The following TAOK3 variants were observed in gnomAD, a reference collection of about 807,000 sequenced individuals.
TAOK3 encodes the protein serine/threonine-protein kinase TAO3.
A neutral mutation model predicts 120.4 loss-of-function variants in TAOK3; 40 were observed. The observed-to-expected ratio is 0.33, with a 90% CI of 0.26 to 0.43. The LOEUF (loss-of-function observed/expected upper bound fraction) is 0.43. Ranked by LOEUF, TAOK3 falls within the 20% of genes least tolerant of loss-of-function variation. TAOK3 has a pLI of 1.00. For missense variants in TAOK3, 821 were observed against 1,112.1 expected (o/e 0.74, Z 3.72); for synonymous variants, 355 against 387.5 (o/e 0.92, Z 0.99).
chr12:118,153,546 G>A (rs960148771), intron 19 of TAOK3, among the ~76,000 whole-genome samples: 6 of 152,156 alleles, frequency 3.9e-5, no homozygotes, highest in Non-Finnish European at 5.9e-5. Context: ...AAGTAGAAGC[G>A]CCAACTTCTC....
chr12:118,231,523 A>G (rs1333286523), intron 9 of TAOK3, among the ~76,000 whole-genome samples: 2 of 152,214 alleles, frequency 1.3e-5, no homozygotes, highest in African/African-American at 4.8e-5. Context: ...TTAGGAAAAG[A>G]GAAGACCATA....
Position 118,265,511 on chromosome 12 carries a change from G to A in TAOK3, c.-89+1144C>T, listed in dbSNP as rs2041411608. On this transcript the variant is annotated intron_variant, in intron 2 of 20. Transcript: ENST00000392533. Reference sequence around the variant, plus strand: ...GGAAAACAAAACAAAAAAAAGAGTAGTGTCCATTTAAAATATGAAACATGT... The same window carrying A: ...GGAAAACAAAACAAAAAAAAGAGTAATGTCCATTTAAAATATGAAACATGT... Among the ~76,000 whole-genome samples the A allele has an allele frequency of 3.3e-5, 5 of 151,512 alleles. No individual in the cohort carries two copies. In the South Asian group the frequency reaches 1.0e-3, roughly 31 times the overall value.
intron 9 of TAOK3, among the ~76,000 whole-genome samples, chr12:118,219,418 G>T (rs756609465): frequency 1.3e-5 from 2 of 151,794 alleles, no homozygotes; most frequent in Non-Finnish European, 2.9e-5. Context: ...ATCCTTTCAG[G>T]TTTCATCTCA....
chr12:118,308,030 G>C (rs2043114761), intron 1 of TAOK3, among the ~76,000 whole-genome samples: 1 of 151,518 alleles, frequency 6.6e-6, no homozygotes, highest in Admixed American at 6.6e-5. Flanking sequence ...ATGTAAGAAG[G>C]TTAAGGCATT....
chr12:118,272,211 T>C (rs541121472), intron 1 of TAOK3, among the ~76,000 whole-genome samples: 1 of 147,970 alleles, frequency 6.8e-6, no homozygotes, highest in African/African-American at 2.5e-5. Context: ...GAGAATCACT[T>C]AAGCCCAGGA....
At chr12:118,182,595 G>A (rs987684258) in intron 14 of TAOK3, among the ~76,000 whole-genome samples, 1 of 74,608 alleles carries the variant, frequency 1.3e-5, no homozygotes, top group Admixed American at 1.6e-4. Context: ...GTGTGTGTGT[G>A]TGTGTATATA....
intron 1 of TAOK3, among the ~76,000 whole-genome samples, chr12:118,316,318 C>T (rs2043454863): frequency 6.6e-6 from 1 of 152,192 alleles, no homozygotes; most frequent in African/African-American, 2.4e-5. Context: ...AGCTTACATA[C>T]TGTCCTACTG....
chr12:118,370,224 TAGA>T (rs1335108790), intron 1 of TAOK3, among the ~76,000 whole-genome samples: 3 of 152,188 alleles, frequency 2.0e-5, no homozygotes, highest in African/African-American at 4.8e-5. Context: ...TCTGAAGCCA[TAGA>T]AGAACTGCTC....
intron 16 of TAOK3, among the ~76,000 whole-genome samples, chr12:118,176,926 C>T (rs147393868): frequency 0.014 from 2,097 of 152,124 alleles, 17 homozygotes; most frequent in Middle Eastern, 0.054. Context: ...GCCACCACGC[C>T]CAGCTAATTT....
chr12:118,288,937 A>G (rs1309936660), intron 1 of TAOK3, among the ~76,000 whole-genome samples: 2 of 144,074 alleles, frequency 1.4e-5, no homozygotes, highest in Non-Finnish European at 3.1e-5. Context: ...AAAAAAAAAG[A>G]AAGAAAGAAA....
chr12:118,249,753 G>A (rs139339140), intron 3 of TAOK3, among the ~76,000 whole-genome samples: 1,977 of 152,092 alleles, frequency 0.013, 21 homozygotes, highest in Non-Finnish European at 0.02. Flanking sequence ...GATTGCTTGA[G>A]TCCAAGGGTT....
intron 1 of TAOK3, among the ~76,000 whole-genome samples, chr12:118,294,590 A>G (rs1297939699): frequency 6.6e-6 from 1 of 151,752 alleles, no homozygotes; most frequent in African/African-American, 2.4e-5. Flanking sequence ...CACCATGTTG[A>G]CCAGGCTGGT....
chr12:118,172,690 C>A (rs1336421991), intron 16 of TAOK3, 30 bp from the exon 17 acceptor site: 4 of 1,594,218 alleles, frequency 2.5e-6, no homozygotes, highest in East Asian at 4.5e-5. Context: ...ACCAAGCCAG[C>A]CTTACTAAAT....
At chr12:118,208,048 A>G (rs1338860689) in intron 11 of TAOK3, among the ~76,000 whole-genome samples, 1 of 152,170 alleles carries the variant, frequency 6.6e-6, no homozygotes, top group African/African-American at 2.4e-5. Context: ...TATATATTTT[A>G]AGAAATGTTA....
chr12:118,208,377 C>T (rs2038444116), intron 11 of TAOK3, among the ~76,000 whole-genome samples: 2 of 152,020 alleles, frequency 1.3e-5, no homozygotes, highest in South Asian at 4.2e-4. Flanking sequence ...CTCTCCCCAC[C>T]TCCTTTCCAC....
At chr12:118,230,466 T>TG (rs2039716408) in intron 9 of TAOK3, among the ~76,000 whole-genome samples, 1 of 121,152 alleles carries the variant, frequency 8.3e-6, no homozygotes, top group Non-Finnish European at 1.7e-5. Context: ...AAGTGTTTTT[T>TG]TTTTTTTTTT....
At chr12:118,295,734 G>A (rs534235881) in intron 1 of TAOK3, among the ~76,000 whole-genome samples, 202 of 152,256 alleles carry the variant, frequency 1.3e-3, no homozygotes, top group Non-Finnish European at 2.4e-3. Context: ...ATTCTATCCA[G>A]TCTCTAGGTT....
intron 14 of TAOK3, among the ~76,000 whole-genome samples, chr12:118,188,918 A>ATG (rs1388629832): frequency 1.3e-5 from 1 of 77,698 alleles, no homozygotes; most frequent in Non-Finnish European, 2.4e-5. Context: ...GGATGAAACG[A>ATG]TGTGAGTGTG....
chr12:118,163,706 A>G (rs182166715), intron 17 of TAOK3, among the ~76,000 whole-genome samples: 1 of 151,962 alleles, frequency 6.6e-6, no homozygotes, highest in East Asian at 1.9e-4. Context: ...AAAGGGTGGT[A>G]TTATTATTAC....
Sources: allele counts gnomAD v4.1 joint callset (sites outside exome capture counted in the v4.1 genomes callset), GRCh38; gene constraint gnomAD v4.1.1; transcripts MANE v1.5; gene names NCBI Gene and HGNC (gene_info 2026-07-23, HGNC 2026-07-21).